ESR1: variants seen among roughly 807,000 people sequenced by gnomAD.
ESR1 encodes the protein estrogen receptor 1, also known as estrogen receptor.
Under a neutral mutation model 52.7 loss-of-function variants are expected in ESR1, and 12 were observed. The observed-to-expected ratio is 0.23, with a 90% CI of 0.15 to 0.37. The LOEUF (loss-of-function observed/expected upper bound fraction) is 0.37, where lower values mean the gene tolerates loss of function less well. ESR1 is among the 10% of genes least tolerant of loss of function. The pLI is 1.00. For missense variants in ESR1, 584 were observed against 779.7 expected (o/e 0.75, Z 2.99); for synonymous variants, 305 against 316.8 (o/e 0.96, Z 0.39).
intron 5 of ESR1, among the ~76,000 whole-genome samples, chr6:152,014,719 T>G (rs1280900090): frequency 6.6e-6 from 1 of 152,098 alleles, no homozygotes; most frequent in African/African-American, 2.4e-5. Flanking sequence ...CCTGGTTGTC[T>G]CTGCTGCAGA....
intron 2 of ESR1, among the ~76,000 whole-genome samples, chr6:151,727,577 T>A (rs1408114446): frequency 6.6e-6 from 1 of 152,192 alleles, no homozygotes; most frequent in African/African-American, 2.4e-5. Context: ...TATCTTTTTT[T>A]AAGGGAAAAG....
intron 2 of ESR1, among the ~76,000 whole-genome samples, chr6:151,702,889 GC>G (rs1251134941): frequency 7.9e-5 from 12 of 152,158 alleles, no homozygotes; most frequent in Admixed American, 7.9e-4. Flanking sequence ...GCAGCATTTT[GC>G]AAATCCAGTA....
In ESR1 at chr6:151,763,665, G is replaced by A. The variant is rs947236297; in HGVS notation, c.-70-44178G>A. Among the ~76,000 whole-genome samples the A allele has an allele frequency of 2.6e-5, 4 of 152,266 alleles. 1 individual carries two copies. The highest frequency in any genetic ancestry group is 5.9e-5 in the Non-Finnish European group (4 of 68,032). On this transcript the variant is annotated intron_variant, in intron 2 of 2. Transcript: ENST00000404742. ...CTTGGAAAACAGTTTGTCGTTGGTC[G>A]TTATGTCAGAAGAGGAGTGTATTCC...
chr6:151,834,560 G>A (rs1172784246), intron 1 of ESR1, among the ~76,000 whole-genome samples: 4 of 152,130 alleles, frequency 2.6e-5, no homozygotes, highest in Non-Finnish European at 5.9e-5. Context: ...GGGGTTGGGG[G>A]CTAAGGGAGT....
intron 1 of ESR1, among the ~76,000 whole-genome samples, chr6:151,666,283 G>T (rs116144003): frequency 6.6e-6 from 1 of 152,188 alleles, no homozygotes. Context: ...AAAAAAAGTT[G>T]TGTGGTTGGT....
chr6:151,680,043 C>T lies in ESR1; in HGVS notation n.74-21832C>T, dbSNP rs538559839. 7.9e-5 allele frequency among the ~76,000 whole-genome samples: 12 copies of T among 152,166 alleles called. No homozygotes were observed. The South Asian group carries it at 1.2e-3, about 16-fold the overall frequency. On this transcript the variant is annotated intron_variant and non_coding_transcript_variant, in intron 1 of 2. Coordinates refer to the ESR1 transcript ENST00000473497. Reference sequence around the variant, plus strand: ...TATATATTTTATTTATTGGTTAGCTCGGCTGCTTCAACAGATACCATAAAC... The same window carrying T: ...TATATATTTTATTTATTGGTTAGCTTGGCTGCTTCAACAGATACCATAAAC...
intron 4 of ESR1, among the ~76,000 whole-genome samples, chr6:152,007,484 G>A (rs553728223): frequency 5.3e-5 from 8 of 152,068 alleles, no homozygotes; most frequent in African/African-American, 7.2e-5. Flanking sequence ...GCCCATATGC[G>A]GGGTGAGGAG....
chr6:151,760,579 A>G (rs966019247), intron 2 of ESR1, among the ~76,000 whole-genome samples: 1 of 152,106 alleles, frequency 6.6e-6, no homozygotes, highest in Non-Finnish European at 1.5e-5. Flanking sequence ...TCCCGGACCT[A>G]TTATGGTAAA....
At chr6:151,894,544 A>G (rs1477368015) in intron 3 of ESR1, among the ~76,000 whole-genome samples, 1 of 152,138 alleles carries the variant, frequency 6.6e-6, no homozygotes, top group Admixed American at 6.5e-5. Flanking sequence ...TCCTTGATCC[A>G]TCTTGAGTTG....
intron 5 of ESR1, among the ~76,000 whole-genome samples, chr6:152,041,861 G>A (rs2045829339): frequency 6.6e-6 from 1 of 152,198 alleles, no homozygotes. Flanking sequence ...AAAGCCATTT[G>A]CCAAATCAAT....
At chr6:151,686,736 C>A (rs1233007163), upstream of ESR1, among the ~76,000 whole-genome samples, 3 of 151,984 alleles carry the variant, frequency 2.0e-5, no homozygotes, top group African/African-American at 7.3e-5. Flanking sequence ...AACCAACCAG[C>A]ACCTAGGCCC....
intron 2 of ESR1, among the ~76,000 whole-genome samples, chr6:151,718,158 T>C (rs1781193260): frequency 6.6e-6 from 1 of 152,192 alleles, no homozygotes; most frequent in African/African-American, 2.4e-5. Context: ...AAATATAAAA[T>C]GGGAAAATAA....
intron 1 of ESR1, among the ~76,000 whole-genome samples, chr6:151,661,663 C>T (rs536842001): frequency 1.1e-4 from 16 of 152,278 alleles, no homozygotes; most frequent in African/African-American, 3.1e-4. Flanking sequence ...TGTCCCTACC[C>T]AAATCTTATC....
At chr6:151,676,003 C>T (rs544738590) in intron 1 of ESR1, among the ~76,000 whole-genome samples, 58 of 152,160 alleles carry the variant, frequency 3.8e-4, no homozygotes, top group Non-Finnish European at 6.5e-4. Context: ...TAATGAGTTA[C>T]GAGGTAGAGT....
In ESR1 at chr6:151,972,661, G is replaced by A. The variant is rs940098149; in HGVS notation, c.1096+28153G>A. ...TCTTCATGGAAAAGTAGATGTTAAT[G>A]GCACCTGTATTAGGGTTCTCTAGAG... is the stretch of plus-strand genomic sequence containing the variant. On this transcript the variant is annotated intron_variant, in intron 4 of 7. Transcript: ENST00000206249. Among the ~76,000 whole-genome samples the A allele has an allele frequency of 3.3e-5, 5 of 152,284 alleles. No homozygotes were observed. In the East Asian group the frequency reaches 9.6e-4, roughly 29 times the overall value.
chr6:152,108,016 A>G (rs905414990), downstream of ESR1, among the ~76,000 whole-genome samples: 2 of 152,060 alleles, frequency 1.3e-5, no homozygotes, highest in African/African-American at 2.4e-5. Flanking sequence ...AATGCATTCA[A>G]TTTTCAGGCT....
At chr6:151,962,428 G>A (rs909137513) in intron 4 of ESR1, among the ~76,000 whole-genome samples, 1 of 151,856 alleles carries the variant, frequency 6.6e-6, no homozygotes, top group African/African-American at 2.4e-5. Context: ...TTGCCTGCTT[G>A]GGTGTTGACC....
intron 5 of ESR1, among the ~76,000 whole-genome samples, chr6:152,033,048 C>T (rs529175789): frequency 7.9e-5 from 12 of 152,220 alleles, no homozygotes; most frequent in African/African-American, 2.9e-4. Flanking sequence ...GGAAAGGATT[C>T]CCTATTTAAT....
chr6:151,866,573 C>T (rs1390878705), intron 2 of ESR1, among the ~76,000 whole-genome samples: 1 of 152,046 alleles, frequency 6.6e-6, no homozygotes, highest in Non-Finnish European at 1.5e-5. Context: ...CGAGAACATG[C>T]AGTGTTTGGT....
Sources: allele counts gnomAD v4.1 joint callset (sites outside exome capture counted in the v4.1 genomes callset), GRCh38; gene constraint gnomAD v4.1.1; transcripts MANE v1.5; gene names NCBI Gene and HGNC (gene_info 2026-07-23, HGNC 2026-07-21).